MGAT4A: variants seen among roughly 807,000 people sequenced by gnomAD.
MGAT4A encodes the protein alpha-1,3-mannosyl-glycoprotein 4-beta-N-acetylglucosaminyltransferase A.
In MGAT4A, 33 loss-of-function variants were observed where a neutral mutation model predicts 74.1. That is an observed-to-expected ratio of 0.45 (90% CI 0.34 to 0.60). MGAT4A has a LOEUF of 0.60. Among genes scored for constraint, MGAT4A ranks in the 20% least tolerant of loss-of-function variants. MGAT4A has a pLI of 0.02. For missense variants in MGAT4A, 479 were observed against 628.3 expected (o/e 0.76, Z 2.54); for synonymous variants, 198 against 210.4 (o/e 0.94, Z 0.51).
At chr2:98,667,147 T>G (rs1701844553) in intron 4 of MGAT4A, among the ~76,000 whole-genome samples, 1 of 152,174 alleles carries the variant, frequency 6.6e-6, no homozygotes, top group Non-Finnish European at 1.5e-5. Context: ...CCTCCTTGCC[T>G]TCTGCCATGA....
At chr2:98,659,220 T>C (rs1167897205) in intron 5 of MGAT4A, among the ~76,000 whole-genome samples, 1 of 152,220 alleles carries the variant, frequency 6.6e-6, no homozygotes, top group Non-Finnish European at 1.5e-5. Flanking sequence ...TCTGATGCTA[T>C]GTCAAAGACC....
intron 14 of MGAT4A, among the ~76,000 whole-genome samples, chr2:98,631,827 A>AGG (rs1701241039): frequency 6.6e-6 from 1 of 152,212 alleles, no homozygotes; most frequent in South Asian, 2.1e-4. Flanking sequence ...GTGATAAGGC[A>AGG]GGGGGTCTAA....
chr2:98,636,710 G>T, intron 12 of MGAT4A, 115 bp from the exon 13 acceptor site: 1 of 799,330 alleles, frequency 1.3e-6, no homozygotes, highest in Non-Finnish European at 2.1e-6. Context: ...AGCAAGCAAA[G>T]TTGACAACGC....
At chr2:98,727,428 G>A (rs1702782829) in intron 1 of MGAT4A, among the ~76,000 whole-genome samples, 1 of 152,166 alleles carries the variant, frequency 6.6e-6, no homozygotes, top group South Asian at 2.1e-4. Context: ...AATGTCAACT[G>A]TACTAAAAAC....
chr2:98,663,299 T>C (rs1160064231), intron 4 of MGAT4A, 120 bp from the exon 5 acceptor site: 13 of 1,525,610 alleles, frequency 8.5e-6, no homozygotes, highest in Non-Finnish European at 1.1e-5. Flanking sequence ...GATCAAAATA[T>C]ATTAAGTTTC....
Position 98,644,079 on chromosome 2 carries a change from C to A in MGAT4A, c.890-26G>T, listed in dbSNP as rs746518657. The A allele has an allele frequency of 2.6e-6, 4 of 1,535,948 alleles. No homozygotes were observed. The African/African-American group carries it at 4.1e-5, about 16-fold the overall frequency. On this transcript the variant is annotated intron_variant, in intron 9 of 15. Coordinates refer to ENST00000393487, the MANE Select transcript of MGAT4A (RefSeq NM_012214.3). ...CTGAAAAGATATTCCCAGTCAATAG[C>A]TGCAATGAAGAAACCAAGCACCAAA...
chr2:98,632,587 G>C (rs1199009659), intron 14 of MGAT4A, among the ~76,000 whole-genome samples: 1 of 152,192 alleles, frequency 6.6e-6, no homozygotes, highest in Non-Finnish European at 1.5e-5. Flanking sequence ...GTTCAAGTAA[G>C]TCATCTCCTC....
chr2:98,712,355 A>T (rs1702529971), intron 2 of MGAT4A, among the ~76,000 whole-genome samples: 1 of 152,166 alleles, frequency 6.6e-6, no homozygotes, highest in Non-Finnish European at 1.5e-5. Context: ...CATGAGTAAC[A>T]CTACTGATTC....
At chr2:98,677,443 C>A (rs1240521770) in intron 3 of MGAT4A, among the ~76,000 whole-genome samples, 1 of 152,056 alleles carries the variant, frequency 6.6e-6, no homozygotes, top group Non-Finnish European at 1.5e-5. Flanking sequence ...AAATTTATTC[C>A]ACTGCAATTT....
intron 2 of MGAT4A, among the ~76,000 whole-genome samples, chr2:98,687,051 G>A (rs1702140550): frequency 6.6e-6 from 1 of 152,078 alleles, no homozygotes; most frequent in Admixed American, 6.6e-5. Context: ...CAACCACAAG[G>A]AGCTTGGAGT....
At chr2:98,646,105 A>C (rs953025374) in intron 8 of MGAT4A, among the ~76,000 whole-genome samples, 6 of 152,192 alleles carry the variant, frequency 3.9e-5, no homozygotes, top group East Asian at 1.9e-4. Flanking sequence ...TACACGTAAA[A>C]ATTTGAAAAG....
rs761222882 is a variant in MGAT4A at position 98,640,112 on chromosome 2, G to A, written c.1128+9C>T. Reference sequence around the variant, plus strand: ...TATGTTCATGAGAAAATAAAATTAAGTCACCAACCGTGAGTTTTTGGATTT... The same window carrying A: ...TATGTTCATGAGAAAATAAAATTAAATCACCAACCGTGAGTTTTTGGATTT... On this transcript the variant is annotated intron_variant, in intron 11 of 15. Transcript: ENST00000393487. 3 of 1,592,902 alleles carry A rather than the reference G, an allele frequency of 1.9e-6. No homozygotes were observed. In the African/African-American group the frequency reaches 4.1e-5, roughly 22 times the overall value.
chr2:98,718,894 C>T (rs1253342856), intron 2 of MGAT4A, among the ~76,000 whole-genome samples: 2 of 152,212 alleles, frequency 1.3e-5, no homozygotes, highest in East Asian at 3.8e-4. Context: ...TTGGCCCCTC[C>T]ACTTAGTGCT....
At chr2:98,690,984 C>T (rs535734025) in intron 2 of MGAT4A, among the ~76,000 whole-genome samples, 4 of 152,060 alleles carry the variant, frequency 2.6e-5, no homozygotes, top group Non-Finnish European at 5.9e-5. Flanking sequence ...GCCTCAGGGA[C>T]GTTTGGAACT....
intron 8 of MGAT4A, among the ~76,000 whole-genome samples, chr2:98,646,872 C>T (rs754621656): frequency 2.0e-5 from 3 of 152,110 alleles, no homozygotes; most frequent in African/African-American, 7.2e-5. Flanking sequence ...TTCTATTGAG[C>T]CCACCATCCA....
intron 14 of MGAT4A, among the ~76,000 whole-genome samples, chr2:98,632,559 G>A (rs551009460): frequency 4.6e-5 from 7 of 152,184 alleles, no homozygotes; most frequent in Non-Finnish European, 1.0e-4. Flanking sequence ...CCCTTAGGCT[G>A]AACTTCCCCA....
chr2:98,635,241 T>G lies in MGAT4A; in HGVS notation c.1449A>C (p.Glu483Asp). The G allele has an allele frequency of 6.2e-7, 1 of 1,609,616 alleles. No individual in the cohort carries two copies. The highest frequency in any genetic ancestry group is 8.5e-7 in the Non-Finnish European group (1 of 1,177,608). The change falls in exon 14 of 16, where the codon GAA becomes GAC. Residue 483 changes from glutamate (E) to aspartate (D), a missense_variant. Physicochemically the swap from Glu to Asp is conservative, Grantham distance 45. This residue lies in a region of MGAT4A where 236 missense variants were observed against 308.2 expected (regional missense o/e 0.77). Transcript: ENST00000393487. ...TATTACCTATTCTGAAATAGCCATC[T>G]TCTAATCGTTTGTCTTTGGTTTCTT... Reference protein sequence around the residue: ...ISKETKDKRLEDGYFRIGKFE... With the variant: ...ISKETKDKRLDDGYFRIGKFE...
chr2:98,706,806 G>A (rs1702444858), intron 2 of MGAT4A, among the ~76,000 whole-genome samples: 1 of 151,648 alleles, frequency 6.6e-6, no homozygotes, highest in South Asian at 2.1e-4. Flanking sequence ...ACATGATGTG[G>A]TCTGCCTCAG....
intron 8 of MGAT4A, among the ~76,000 whole-genome samples, chr2:98,647,108 T>C (rs993784902): frequency 2.6e-5 from 4 of 152,148 alleles, no homozygotes; most frequent in Non-Finnish European, 5.9e-5. Flanking sequence ...GCATTAGCAA[T>C]TACAGAATTA....
Sources: gnomAD v4.1 joint callset for allele counts (sites outside exome capture counted in the v4.1 genomes callset) on GRCh38, gnomAD v4.1.1 for gene constraint, gnomAD v4.1.1 regional missense constraint, MANE v1.5 for transcripts, NCBI Gene and HGNC (gene_info 2026-07-23, HGNC 2026-07-21) for gene names.